HMGCLL1: variants seen among roughly 807,000 people sequenced by gnomAD.
HMGCLL1 encodes 3-hydroxymethyl-3-methylglutaryl-CoA lyase, cytoplasmic.
In HMGCLL1, 36 loss-of-function variants were observed where a neutral mutation model predicts 39.1. That is an observed-to-expected ratio of 0.92 (90% CI 0.71 to 1.22). The LOEUF is 1.22. HMGCLL1 is among the 50% of genes most tolerant of loss of function. The pLI, the probability that HMGCLL1 is intolerant of heterozygous loss-of-function variation, is 0.00. For missense variants in HMGCLL1, 451 were observed against 416.5 expected (o/e 1.08, Z -0.72); for synonymous variants, 149 against 144.0 (o/e 1.03, Z -0.25).
chr6:55,615,071 T>G, the HMGCLL1 span, among the ~76,000 whole-genome samples: 1 of 152,120 alleles, frequency 6.6e-6, no homozygotes, highest in Non-Finnish European at 1.5e-5. Flanking sequence ...TGTTGCCATT[T>G]ACCAAATACA....
At chr6:55,558,135 AC>A in intron 1 of HMGCLL1, among the ~76,000 whole-genome samples, 1 of 152,250 alleles carries the variant, frequency 6.6e-6, no homozygotes, top group East Asian at 1.9e-4. Flanking sequence ...GAAATGCATA[AC>A]CAGAAGGATA....
the HMGCLL1 span, among the ~76,000 whole-genome samples, chr6:55,639,929 T>A: frequency 8.1e-3 from 1,233 of 151,316 alleles, 62 homozygotes; most frequent in East Asian, 0.1. Flanking sequence ...AAAAAAAAAA[T>A]TAGCCAGGCG....
rs1765885301 is a variant in HMGCLL1, at chr6:55,484,174, G to C, written c.795+11245C>G. On this transcript the variant is annotated intron_variant, in intron 7 of 8. Coordinates refer to ENST00000274901, the MANE Select transcript of HMGCLL1 (RefSeq NM_001042406.2). ...TAACTCCAAAAGCAGAAGCCATAAA[G>C]GGATGACAATGTGGACAATCCTTGG... 3.3e-5 allele frequency among the ~76,000 whole-genome samples: 5 copies of C among 152,206 alleles called. No individual in the cohort carries two copies. The South Asian group carries it at 1.0e-3, about 32-fold the overall frequency.
intron 6 of HMGCLL1, among the ~76,000 whole-genome samples, chr6:55,497,963 T>C (rs372485377): frequency 9.2e-5 from 14 of 152,214 alleles, no homozygotes; most frequent in African/African-American, 3.4e-4. Context: ...CAGTTTGAAG[T>C]AGTAATTTCA....
At chr6:55,619,939 G>A in the HMGCLL1 span, among the ~76,000 whole-genome samples, 10 of 152,052 alleles carry the variant, frequency 6.6e-5, no homozygotes, top group African/African-American at 2.4e-4. Flanking sequence ...GAACATGTGA[G>A]GTTTGTCTTT....
intron 5 of HMGCLL1, among the ~76,000 whole-genome samples, chr6:55,509,366 C>T (rs1767323493): frequency 6.6e-6 from 1 of 151,804 alleles, no homozygotes; most frequent in African/African-American, 2.4e-5. Flanking sequence ...CTACTAGTCA[C>T]AGTGTACTTA....
the HMGCLL1 span, among the ~76,000 whole-genome samples, chr6:55,667,363 A>G: frequency 1.3e-5 from 2 of 151,844 alleles, no homozygotes; most frequent in Admixed American, 6.6e-5. Context: ...AGTGTGTACT[A>G]TGTACCAGGG....
intron 7 of HMGCLL1, among the ~76,000 whole-genome samples, chr6:55,484,111 T>A (rs570570096): frequency 6.6e-6 from 1 of 152,188 alleles, no homozygotes; most frequent in African/African-American, 2.4e-5. Context: ...TAGGTAGTCA[T>A]GTACCTCTTC....
intron 5 of HMGCLL1, among the ~76,000 whole-genome samples, chr6:55,500,744 AAAAT>A: frequency 6.6e-6 from 1 of 152,160 alleles, no homozygotes; most frequent in South Asian, 2.1e-4. Context: ...AAGATGTGTG[AAAAT>A]AAAATGTTCT....
the HMGCLL1 span, among the ~76,000 whole-genome samples, chr6:55,619,057 C>G: frequency 1.3e-5 from 2 of 151,962 alleles, no homozygotes; most frequent in South Asian, 2.1e-4. Context: ...GGACCCATCC[C>G]TGGATGGTAG....
chr6:55,650,107 A>ATATATATG, the HMGCLL1 span, among the ~76,000 whole-genome samples: 9 of 70,746 alleles, frequency 1.3e-4, no homozygotes, highest in Non-Finnish European at 2.2e-4. Context: ...ATATATATAT[A>ATATATATG]TATATATATA....
At chr6:55,665,485 G>A in the HMGCLL1 span, among the ~76,000 whole-genome samples, 1 of 151,590 alleles carries the variant, frequency 6.6e-6, no homozygotes, top group African/African-American at 2.4e-5. Context: ...AGTTGATTGA[G>A]GAATATAAGA....
At chr6:55,585,397 T>C in the HMGCLL1 span, among the ~76,000 whole-genome samples, 2 of 152,114 alleles carry the variant, frequency 1.3e-5, no homozygotes, top group Admixed American at 1.3e-4. Context: ...ATCCGCATAT[T>C]TTTTGCCAAC....
At chr6:55,543,715 TAGTC>T (rs1769786448) in intron 1 of HMGCLL1, among the ~76,000 whole-genome samples, 1 of 150,340 alleles carries the variant, frequency 6.7e-6, no homozygotes, top group Non-Finnish European at 1.5e-5. Flanking sequence ...AATCAAAAAT[TAGTC>T]AGGCGTGATG....
intron 5 of HMGCLL1, among the ~76,000 whole-genome samples, chr6:55,508,731 T>C (rs1446135141): frequency 2.0e-5 from 3 of 151,882 alleles, no homozygotes; most frequent in African/African-American, 4.8e-5. Flanking sequence ...TTTTAAATTA[T>C]TGTAAGTGAC....
chr6:55,435,664 AAGCATT>A lies in HMGCLL1; in HGVS notation c.1015_1020del (p.Asn339_Ala340del). On this transcript the variant is annotated inframe_deletion, in exon 9 of 9. Transcript: ENST00000274901. ...GGTACGTCATAAATCCATTCAAGTC[AAGCATT>A]GAAGGAGGCTTGTGCTACTTTAGAG... is the stretch of plus-strand genomic sequence containing the variant. 2 of 1,566,242 alleles carry A rather than the reference AAGCATT, an allele frequency of 1.3e-6. No homozygotes were observed. The highest frequency in any genetic ancestry group is 1.1e-5 in the South Asian group (1 of 87,848).
chr6:55,505,973 T>C (rs896186069), intron 5 of HMGCLL1, among the ~76,000 whole-genome samples: 2 of 151,714 alleles, frequency 1.3e-5, no homozygotes, highest in Non-Finnish European at 3.0e-5. Context: ...ATAAATCCAT[T>C]TCACCAATGG....
At chr6:55,458,751 T>A (rs138138331) in intron 7 of HMGCLL1, among the ~76,000 whole-genome samples, 2,013 of 152,304 alleles carry the variant, frequency 0.013, 20 homozygotes, top group Middle Eastern at 0.024. Context: ...TAGCATTTTT[T>A]AATAAGAATA....
Position 55,500,313 on chromosome 6 carries a change from T to C in HMGCLL1, c.543-1014A>G, listed in dbSNP as rs116099939. Among the ~76,000 whole-genome samples, 815 of 152,024 alleles carry C rather than the reference T, an allele frequency of 5.4e-3. 9 individuals carry two copies. Among genetic ancestry groups the C allele is most frequent in the African/African-American group, 0.019 (778 of 41,510 alleles). On this transcript the variant is annotated intron_variant, in intron 5 of 8. Transcript: ENST00000274901. ...CAAGATCAGATTTGTTTCCCAGAAATATAACTCTGTGGGGGCAGTGGAAGC... is the reference window on the plus strand; with the variant it reads ...CAAGATCAGATTTGTTTCCCAGAAACATAACTCTGTGGGGGCAGTGGAAGC...
Sources: allele counts gnomAD v4.1 joint callset (sites outside exome capture counted in the v4.1 genomes callset), GRCh38; gene constraint gnomAD v4.1.1; transcripts MANE v1.5; gene names NCBI Gene and HGNC (gene_info 2026-07-23, HGNC 2026-07-21).